YEATS4: variants seen among roughly 807,000 people sequenced by gnomAD.
YEATS4 encodes YEATS domain containing 4.
YEATS4 carries 17 observed loss-of-function variants against 30.1 expected under a neutral mutation model. That is an observed-to-expected ratio of 0.56 (90% CI 0.39 to 0.85). YEATS4 has a LOEUF of 0.85. Ranked by LOEUF, YEATS4 falls within the 40% of genes least tolerant of loss-of-function variation. The pLI is 0.00. For missense variants in YEATS4, 142 were observed against 268.3 expected (o/e 0.53, Z 3.29); for synonymous variants, 85 against 87.5 (o/e 0.97, Z 0.16).
chr12:69,364,102 T>C, intron 2 of YEATS4: 1 of 418,910 alleles, frequency 2.4e-6, no homozygotes, highest in South Asian at 1.7e-5. Flanking sequence ...GGCTTTCTTT[T>C]GTGTGATAAA....
chr12:69,373,718 G>C (rs1875735079), intron 6 of YEATS4, among the ~76,000 whole-genome samples: 1 of 152,140 alleles, frequency 6.6e-6, no homozygotes, highest in Non-Finnish European at 1.5e-5. Context: ...GTCCTAGAGA[G>C]TTTCCCCAAT....
At chr12:69,424,696 C>T in the YEATS4 span, among the ~76,000 whole-genome samples, 4 of 152,064 alleles carry the variant, frequency 2.6e-5, no homozygotes, top group Non-Finnish European at 5.9e-5. Context: ...CTTTCCCCTT[C>T]GCTCTCCCTC....
chr12:69,413,512 C>CCA, the YEATS4 span, among the ~76,000 whole-genome samples: 6 of 137,146 alleles, frequency 4.4e-5, no homozygotes, highest in East Asian at 1.4e-3. Context: ...TCTTCAACGC[C>CCA]CCCCCCATCT....
chr12:69,382,681 C>G (rs4761237), intron 6 of YEATS4, among the ~76,000 whole-genome samples: 61,115 of 152,058 alleles, frequency 0.4, 12,574 homozygotes, highest in Non-Finnish European at 0.46. Flanking sequence ...AAGCTTAAGA[C>G]AAAGTCCCCT....
chr12:69,397,358 G>C, the YEATS4 span, among the ~76,000 whole-genome samples: 1 of 152,100 alleles, frequency 6.6e-6, no homozygotes, highest in Non-Finnish European at 1.5e-5. Flanking sequence ...TCGTGATATA[G>C]TTTGGCTGTG....
At chr12:69,426,581 C>T in the YEATS4 span, among the ~76,000 whole-genome samples, 2 of 152,108 alleles carry the variant, frequency 1.3e-5, no homozygotes, top group African/African-American at 4.8e-5. Context: ...ATATTAGTCA[C>T]GCTGATCTCG....
At chr12:69,377,613 A>C (rs111397564) in intron 6 of YEATS4, among the ~76,000 whole-genome samples, 1 of 152,260 alleles carries the variant, frequency 6.6e-6, no homozygotes, top group East Asian at 1.9e-4. Flanking sequence ...TCAGAAGCAT[A>C]TTGTTTAAAT....
the YEATS4 span, among the ~76,000 whole-genome samples, chr12:69,399,861 A>T: frequency 6.6e-6 from 1 of 152,234 alleles, no homozygotes; most frequent in African/African-American, 2.4e-5. Context: ...ATGCCAAATG[A>T]AAGATGCCAG....
chr12:69,367,073 A>G (rs932315542), intron 4 of YEATS4, among the ~76,000 whole-genome samples: 2 of 152,206 alleles, frequency 1.3e-5, no homozygotes, highest in African/African-American at 4.8e-5. Flanking sequence ...CAATATCTCA[A>G]ATGAGAATCT....
the YEATS4 span, among the ~76,000 whole-genome samples, chr12:69,397,775 A>G: frequency 6.6e-5 from 10 of 152,314 alleles, no homozygotes; most frequent in African/African-American, 2.4e-4. Context: ...CCATATGAAG[A>G]CACAGGGAGA....
chr12:69,403,982 T>C, the YEATS4 span, among the ~76,000 whole-genome samples: 6 of 152,138 alleles, frequency 3.9e-5, no homozygotes, highest in South Asian at 4.1e-4. Flanking sequence ...CTTCTCAGTC[T>C]CTTTCAGCAT....
chr12:69,409,481 G>T, the YEATS4 span, among the ~76,000 whole-genome samples: 1 of 152,058 alleles, frequency 6.6e-6, no homozygotes, highest in Non-Finnish European at 1.5e-5. Context: ...GCCAGCCATG[G>T]TGGTGCACAC....
rs554334190 is a variant in YEATS4, at chr12:69,359,832, G to A, written c.-141G>A. On this transcript the variant is annotated 5_prime_UTR_variant, in exon 1 of 7. Coordinates refer to ENST00000247843, the MANE Select transcript of YEATS4 (RefSeq NM_006530.4). ...GGAGTTGACGGTTACTCACCGCCGT[G>A]AGCCCAAGTAACTCGCCCTCCTTCG... 4 of 971,168 alleles carry A rather than the reference G, an allele frequency of 4.1e-6. No individual in the cohort carries two copies. In the Admixed American group the frequency reaches 1.0e-4, roughly 25 times the overall value. 60.2% of individuals were successfully genotyped at this position (971,168 alleles called of 1,614,324 possible).
chr12:69,386,284 T>C (rs751268382), intron 6 of YEATS4, among the ~76,000 whole-genome samples: 3 of 152,212 alleles, frequency 2.0e-5, no homozygotes, highest in African/African-American at 4.8e-5. Context: ...ATCTATGTTA[T>C]ATCTACAGTG....
At chr12:69,382,198 T>C (rs999471695) in intron 6 of YEATS4, among the ~76,000 whole-genome samples, 1 of 152,240 alleles carries the variant, frequency 6.6e-6, no homozygotes, top group African/African-American at 2.4e-5. Flanking sequence ...CATGCGATGT[T>C]CGAGACTCAC....
chr12:69,374,537 C>A (rs1233518466), intron 6 of YEATS4, among the ~76,000 whole-genome samples: 1 of 151,968 alleles, frequency 6.6e-6, no homozygotes, highest in Non-Finnish European at 1.5e-5. Flanking sequence ...TCTGGTTTTC[C>A]TAGGCAGAGG....
At chr12:69,380,597 G>T (rs7133487) in intron 6 of YEATS4, among the ~76,000 whole-genome samples, 5 of 151,994 alleles carry the variant, frequency 3.3e-5, no homozygotes, top group Non-Finnish European at 5.9e-5. Context: ...CACTGTAACC[G>T]CTGCCTGGCT....
the YEATS4 span, among the ~76,000 whole-genome samples, chr12:69,415,669 T>C: frequency 0.013 from 2,008 of 152,280 alleles, 51 homozygotes; most frequent in African/African-American, 0.046. Flanking sequence ...AGCCTCAATG[T>C]GTAGGAAAAG....
At chr12:69,392,130 A>G (rs921911986), downstream of YEATS4, among the ~76,000 whole-genome samples, 4 of 152,236 alleles carry the variant, frequency 2.6e-5, no homozygotes, top group African/African-American at 9.6e-5. Context: ...GTCAATAAGC[A>G]TATGAGGAGA....
Sources: allele counts gnomAD v4.1 joint callset (sites outside exome capture counted in the v4.1 genomes callset), GRCh38; gene constraint gnomAD v4.1.1; transcripts MANE v1.5; gene names NCBI Gene and HGNC (gene_info 2026-07-23, HGNC 2026-07-21).